MEGF11: variants seen among roughly 807,000 people sequenced by gnomAD.
MEGF11 encodes the protein multiple EGF like domains 11, also known as multiple epidermal growth factor-like domains protein 11.
A neutral mutation model predicts 146.6 loss-of-function variants in MEGF11; 126 were observed. The observed-to-expected ratio is 0.86, with a 90% CI of 0.74 to 1.00. MEGF11 has a LOEUF of 1.00. Among genes scored for constraint, MEGF11 ranks in the 50% least tolerant of loss-of-function variants. The pLI is 0.00. For missense variants in MEGF11, 1,509 were observed against 1,521.2 expected, an observed-to-expected ratio of 0.99 and a Z score of 0.13; for synonymous variants, 532 against 583.4, an observed-to-expected ratio of 0.91 and a Z score of 1.27.
At chr15:66,239,040 G>A (rs1469232385) in intron 1 of MEGF11, among the ~76,000 whole-genome samples, 2 of 152,238 alleles carry the variant, frequency 1.3e-5, no homozygotes, top group African/African-American at 4.8e-5. Context: ...ATGAGTAGAA[G>A]TTGAGTCACT....
chr15:65,930,855 G>A lies in MEGF11; in HGVS notation c.1376C>T (p.Ser459Phe), dbSNP rs758244869. ...GCAGGTACAGGAGCCATCTACTGGG[G>A]AGCAGGTGCCACCATTGTTACAGCT... Reference protein sequence around the residue: ...ICSCNNGGTCSPVDGSCTCKE... With the variant: ...ICSCNNGGTCFPVDGSCTCKE... The change falls in exon 11 of 26, where the codon TCC becomes TTC. Residue 459 changes from serine to phenylalanine, a missense_variant. Ser to Phe is a radical substitution (Grantham distance 155). Coordinates refer to ENST00000395614, the MANE Select transcript of MEGF11 (RefSeq NM_001385028.1). The A allele has an allele frequency of 9.3e-6, 15 of 1,611,288 alleles. No homozygotes were observed. The highest frequency in any genetic ancestry group is 1.6e-4 in the Middle Eastern group (1 of 6,072).
chr15:65,951,211 T>C (rs979172533), intron 10 of MEGF11, among the ~76,000 whole-genome samples: 15 of 152,172 alleles, frequency 9.9e-5, no homozygotes, highest in Non-Finnish European at 2.2e-4. Flanking sequence ...AGGCAGCCTT[T>C]GATTTCCTGA....
chr15:65,918,290 C>T (rs2079068520), intron 15 of MEGF11, among the ~76,000 whole-genome samples, 196 bp from the exon 16 acceptor site: 1 of 152,226 alleles, frequency 6.6e-6, no homozygotes, highest in Non-Finnish European at 1.5e-5. Flanking sequence ...CCCTCTCATG[C>T]CTACAGCTGC....
At chr15:66,152,113 C>A (rs376110657) in intron 1 of MEGF11, among the ~76,000 whole-genome samples, 1 of 152,188 alleles carries the variant, frequency 6.6e-6, no homozygotes, top group Admixed American at 6.5e-5. Context: ...TGCCCACCTG[C>A]TCTTCCAGCT....
intron 1 of MEGF11, among the ~76,000 whole-genome samples, chr15:66,237,870 G>A (rs556866170): frequency 6.6e-6 from 1 of 152,150 alleles, no homozygotes; most frequent in Non-Finnish European, 1.5e-5. Context: ...TTTGAGGCTG[G>A]TATCTTCTGT....
rs543631094 is a variant in MEGF11, at chr15:66,034,026, G to T, written c.395-51538C>A. 5.9e-5 allele frequency among the ~76,000 whole-genome samples: 9 copies of T among 152,268 alleles called. No homozygotes were observed. In the South Asian group the frequency reaches 1.9e-3, roughly 32 times the overall value. ...AGGCTGGTCTTGAACTCCTGACCTT[G>T]TGATCCACCTGCCTCGGCCTCCCAA... is the stretch of plus-strand genomic sequence containing the variant. On this transcript the variant is annotated intron_variant, in intron 5 of 25. Coordinates refer to ENST00000395614, the MANE Select transcript of MEGF11 (RefSeq NM_001385028.1).
intron 5 of MEGF11, among the ~76,000 whole-genome samples, chr15:66,046,455 T>C (rs1381793057): frequency 6.6e-6 from 1 of 152,190 alleles, no homozygotes; most frequent in African/African-American, 2.4e-5. Flanking sequence ...AGGCTTTCTT[T>C]AGAGCTCAGC....
intron 1 of MEGF11, among the ~76,000 whole-genome samples, chr15:66,234,308 G>A (rs1002197460): frequency 3.3e-5 from 5 of 152,208 alleles, no homozygotes; most frequent in East Asian, 1.9e-4. Flanking sequence ...CCAGAGAGGC[G>A]GAAAGGACCT....
intron 1 of MEGF11, among the ~76,000 whole-genome samples, chr15:66,144,133 C>T (rs2089276602): frequency 6.6e-6 from 1 of 152,202 alleles, no homozygotes; most frequent in African/African-American, 2.4e-5. Flanking sequence ...AGCCACTATG[C>T]CCACCCTGGC....
intron 21 of MEGF11, among the ~76,000 whole-genome samples, chr15:65,910,361 A>T (rs1338477751): frequency 6.7e-6 from 1 of 149,218 alleles, no homozygotes; most frequent in Non-Finnish European, 1.5e-5. Flanking sequence ...TGAGGCAAGG[A>T]TGGTTATCCT....
intron 5 of MEGF11, among the ~76,000 whole-genome samples, chr15:65,990,692 AG>A (rs1385267961): frequency 5.4e-5 from 7 of 129,616 alleles, no homozygotes; most frequent in African/African-American, 1.2e-4. Flanking sequence ...GAAGAAAGGA[AG>A]AGAAAGAAAG....
chr15:65,935,494 C>A (rs2079749485), intron 10 of MEGF11, among the ~76,000 whole-genome samples: 1 of 152,128 alleles, frequency 6.6e-6, no homozygotes, highest in Admixed American at 6.5e-5. Flanking sequence ...TTGGAGGGCA[C>A]CCAGCTGATG....
intron 1 of MEGF11, among the ~76,000 whole-genome samples, chr15:66,217,445 A>G (rs2091614124): frequency 6.6e-6 from 1 of 152,234 alleles, no homozygotes; most frequent in African/African-American, 2.4e-5. Flanking sequence ...GGCTTGTGAT[A>G]AGAACTGACT....
At chr15:66,231,398 T>C (rs916270689) in intron 1 of MEGF11, among the ~76,000 whole-genome samples, 6 of 150,984 alleles carry the variant, frequency 4.0e-5, no homozygotes, top group Admixed American at 2.0e-4. Flanking sequence ...CTCTAGATAA[T>C]GGCGGGGTCA....
chr15:66,081,819 C>G (rs1287422228), intron 5 of MEGF11, among the ~76,000 whole-genome samples: 4 of 152,174 alleles, frequency 2.6e-5, no homozygotes, highest in Admixed American at 6.5e-5. Flanking sequence ...TCAAGTCCCC[C>G]CTAAATTCAT....
At chr15:66,218,348 G>A (rs145000084) in intron 1 of MEGF11, among the ~76,000 whole-genome samples, 15 of 152,280 alleles carry the variant, frequency 9.9e-5, no homozygotes, top group Non-Finnish European at 1.8e-4. Flanking sequence ...CAACACACCC[G>A]CATGCCAGGG....
chr15:66,077,040 AGAGT>A (rs1219040318), intron 5 of MEGF11, among the ~76,000 whole-genome samples: 2 of 152,228 alleles, frequency 1.3e-5, no homozygotes, highest in Admixed American at 6.5e-5. Flanking sequence ...GAAACGCTGC[AGAGT>A]GAGTAGATGA....
intron 5 of MEGF11, among the ~76,000 whole-genome samples, chr15:66,078,438 T>C (rs572862467): frequency 6.6e-6 from 1 of 152,136 alleles, no homozygotes; most frequent in Non-Finnish European, 1.5e-5. Flanking sequence ...CCCCACCTTA[T>C]GGGGCTGCGT....
chr15:65,999,789 T>G (rs1031019694), intron 5 of MEGF11, among the ~76,000 whole-genome samples: 30 of 152,198 alleles, frequency 2.0e-4, no homozygotes, highest in African/African-American at 7.0e-4. Flanking sequence ...ATAAAGTCAA[T>G]GATCAAGGCA....
Sources: allele counts gnomAD v4.1 joint callset (sites outside exome capture counted in the v4.1 genomes callset), GRCh38; gene constraint gnomAD v4.1.1; transcripts MANE v1.5; gene names NCBI Gene and HGNC (gene_info 2026-07-23, HGNC 2026-07-21).